Variants in NYNRIN observed in about 807,000 individuals in gnomAD.
NYNRIN encodes the protein protein NYNRIN.
In NYNRIN, 86 loss-of-function variants were observed where a neutral mutation model predicts 146.6. The observed-to-expected ratio is 0.59, with a 90% CI of 0.49 to 0.70. NYNRIN has a LOEUF of 0.70. Ranked by LOEUF, NYNRIN falls within the 30% of genes least tolerant of loss-of-function variation. The pLI, the probability that NYNRIN is intolerant of heterozygous loss-of-function variation, is 0.00. For synonymous variants in NYNRIN, 1,027 were observed against 1,001.3 expected, an observed-to-expected ratio of 1.03 and a Z score of -0.48; for missense variants, 2,191 against 2,377.7, an observed-to-expected ratio of 0.92 and a Z score of 1.63.
chr14:24,408,372 G>A lies in NYNRIN; in HGVS notation c.702G>A (p.Met234Ile), dbSNP rs753351183. The A allele has an allele frequency of 7.4e-6, 12 of 1,613,820 alleles. No homozygotes were observed. The East Asian group carries it at 2.5e-4, about 33-fold the overall frequency. Reference protein sequence around the residue: ...PPQQQKEAPAMVSVGESPGPF... With the variant: ...PPQQQKEAPAIVSVGESPGPF... ...AGCAGCAGAAGGAAGCCCCAGCCAT[G>A]GTGTCCGTGGGAGAGAGTCCTGGAC... Residue 234 changes from methionine to isoleucine, a missense_variant, in exon 3 of 9, where the codon ATG (methionine) becomes ATA (isoleucine). Coordinates refer to ENST00000382554, the MANE Select transcript of NYNRIN (RefSeq NM_025081.3).
rs756203827 is a variant in NYNRIN, at chr14:24,409,853, C to T, written c.2059C>T (p.Pro687Ser). ...APKTPAAQKVPTDAGPTLDVA... is the reference protein window; with the variant it reads ...APKTPAAQKVSTDAGPTLDVA... Reference sequence around the variant, plus strand: ...CAAAACACCTGCAGCTCAGAAGGTGCCCACGGATGCAGGGCCAACCTTGGA... The same window carrying T: ...CAAAACACCTGCAGCTCAGAAGGTGTCCACGGATGCAGGGCCAACCTTGGA... The change falls in exon 4 of 9, where the codon CCC (proline) becomes TCC (serine). Residue 687 changes from proline (P) to serine (S), a missense_variant. By Grantham distance (74) the Pro-to-Ser change is moderately conservative (BLOSUM62 -1). Coordinates refer to ENST00000382554, the MANE Select transcript of NYNRIN (RefSeq NM_025081.3). 3.1e-6 allele frequency: 5 copies of T among 1,613,194 alleles called. No homozygotes were observed. In the Admixed American group the frequency reaches 8.4e-5, roughly 27 times the overall value.
intron 2 of NYNRIN, 49 bp from the exon 3 acceptor site, chr14:24,407,820 G>A (rs1039643318): frequency 9.2e-6 from 14 of 1,521,872 alleles, no homozygotes; most frequent in Non-Finnish European, 1.2e-5. Context: ...AGATCCAGGG[G>A]CAGGCCCCCA....
Position 24,414,671 on chromosome 14 carries a change from G to C in NYNRIN, c.2922G>C (p.Leu974=). The part of the protein sequence containing the change: ...LPPSSASVTE[L]SDDADSGPLE... The stretch of plus-strand genomic sequence containing the variant: ...CCAGCTCAGCCAGTGTCACTGAGCT[G>C]AGTGATGACGCTGACTCTGGGCCCC... The change falls in exon 9 of 9, where the codon CTG becomes CTC. Residue 974 remains leucine (L), a synonymous_variant. Transcript: ENST00000382554. The C allele has an allele frequency of 1.9e-6, 3 of 1,613,784 alleles. No homozygotes were observed. Among genetic ancestry groups the C allele is most frequent in the Non-Finnish European group, 2.5e-6 (3 of 1,179,792 alleles).
At position 24,416,128 on chromosome 14, in the gene NYNRIN, A is replaced by G. The variant is rs765919110; in HGVS notation, c.4379A>G (p.Lys1460Arg). 1.2e-6 allele frequency: 2 copies of G among 1,613,950 alleles called. No homozygotes were observed. The highest frequency in any genetic ancestry group is 2.2e-5 in the East Asian group (1 of 44,866). Residue 1460 changes from lysine (K) to arginine (R), a missense_variant, in exon 9 of 9, where the codon AAG becomes AGG. Around this residue, in one of 3 missense-constraint regions of NYNRIN, gnomAD observed 1,291 missense variants for 1,417.0 expected, o/e 0.91. Coordinates refer to ENST00000382554, the MANE Select transcript of NYNRIN (RefSeq NM_025081.3). Reference protein sequence around the residue: ...QGGGQWWSLPKDVPAPTVSPH... With the variant: ...QGGGQWWSLPRDVPAPTVSPH... ...GGTGGGCAGTGGTGGAGTTTGCCAA[A>G]GGATGTGCCAGCCCCTACAGTGAGT...
At position 24,414,710 on chromosome 14, in the gene NYNRIN, G is replaced by A. The variant is rs948847483; in HGVS notation, c.2961G>A (p.Pro987=). Residue 987 remains proline (P), a synonymous_variant, in exon 9 of 9, where the codon CCG becomes CCA. Coordinates refer to ENST00000382554, the MANE Select transcript of NYNRIN (RefSeq NM_025081.3). ...DADSGPLESL[P]NMEEVREEKE... is the part of the protein sequence containing the mutation. Reference sequence around the variant, plus strand: ...ACTCTGGGCCCCTGGAGAGTCTGCCGAATATGGAAGAAGTCAGGGAAGAGA... The same window carrying A: ...ACTCTGGGCCCCTGGAGAGTCTGCCAAATATGGAAGAAGTCAGGGAAGAGA... 5 of 1,613,384 alleles carry A rather than the reference G, an allele frequency of 3.1e-6. No individual in the cohort carries two copies. In the South Asian group the frequency reaches 3.3e-5, roughly 11 times the overall value.
Position 24,416,418 on chromosome 14 carries a change from C to G in NYNRIN, c.4669C>G (p.Gln1557Glu). The G allele has an allele frequency of 6.2e-7, 1 of 1,613,018 alleles. No individual in the cohort carries two copies. Among genetic ancestry groups the G allele is most frequent in the Non-Finnish European group, 8.5e-7 (1 of 1,179,464 alleles). Residue 1557 changes from glutamine (Q) to glutamate (E), a missense_variant, in exon 9 of 9, where the codon CAG (glutamine) becomes GAG (glutamate). Physicochemically the swap from Gln to Glu is conservative, Grantham distance 29 (BLOSUM62 2). Coordinates refer to ENST00000382554, the MANE Select transcript of NYNRIN (RefSeq NM_025081.3). Reference protein sequence around the residue: ...SVHDIPLGAHQRPEETYKKLR... With the variant: ...SVHDIPLGAHERPEETYKKLR... ...GCATGACATTCCCTTGGGGGCCCACCAGAGGCCCGAAGAGACCTACAAGAA... is the reference window on the plus strand; with the variant it reads ...GCATGACATTCCCTTGGGGGCCCACGAGAGGCCCGAAGAGACCTACAAGAA...
rs753340346 is a variant in NYNRIN, at chr14:24,409,642, A to G, written c.1848A>G (p.Gln616=). ...TGAATCAACCAGTGTTGGTAGCTCA[A>G]GTGGAACCCACAACTCCAAAAACTC... ...TVVNQPVLVA[Q]VEPTTPKTPQ... is the part of the protein sequence containing the mutation. The change falls in exon 4 of 9, where the codon CAA becomes CAG. Residue 616 remains glutamine (Q), a synonymous_variant. Coordinates refer to ENST00000382554, the MANE Select transcript of NYNRIN (RefSeq NM_025081.3). The G allele has an allele frequency of 6.2e-7, 1 of 1,607,214 alleles. No individual in the cohort carries two copies. The highest frequency in any genetic ancestry group is 1.1e-5 in the South Asian group (1 of 89,696).
intron 4 of NYNRIN, among the ~76,000 whole-genome samples, chr14:24,410,664 G>A (rs1417551117): frequency 2.0e-5 from 3 of 152,202 alleles, no homozygotes; most frequent in Non-Finnish European, 2.9e-5. Context: ...TGCTGTAGAG[G>A]TGTTAGCATA....
chr14:24,411,496 C>T lies in NYNRIN; in HGVS notation c.2642+46C>T. 3 of 1,542,220 alleles carry T rather than the reference C, an allele frequency of 1.9e-6. 1 individual carries two copies. The South Asian group carries it at 3.3e-5, about 17-fold the overall frequency. Reference sequence around the variant, plus strand: ...GCCCTCCTGGGCTCAGGGAGTTGGGCCTGGCTGGTGTGTCAGGTGGAGTCC... The same window carrying T: ...GCCCTCCTGGGCTCAGGGAGTTGGGTCTGGCTGGTGTGTCAGGTGGAGTCC... On this transcript the variant is annotated intron_variant, in intron 6 of 8. Transcript: ENST00000382554. This position sits in a 1 kb window ranked among gnomAD's most constrained non-coding sequence, Gnocchi z 4.3.
At position 24,417,334 on chromosome 14, in the gene NYNRIN, G is replaced by GATA. The variant is rs1832023830; in HGVS notation, c.5585_5586insATA (p.Arg1862_Ile1863insTer). ...GACCGGCTGAGCCTGTCACTCTATAGGATATGGGGCTTCCCAACCCCAGAG... is the reference window on the plus strand; with the variant it reads ...GACCGGCTGAGCCTGTCACTCTATAGATAGATATGGGGCTTCCCAACCCCAGAG... On this transcript the variant is annotated stop_gained and inframe_insertion, in exon 9 of 9. Transcript: ENST00000382554. LOFTEE classifies it high-confidence loss of function. 6 of 1,608,468 alleles carry GATA rather than the reference G, an allele frequency of 3.7e-6. No individual in the cohort carries two copies. The highest frequency in any genetic ancestry group is 3.4e-6 in the Non-Finnish European group (4 of 1,177,026).
Position 24,415,902 on chromosome 14 carries a change from C to T in NYNRIN, c.4153C>T (p.Leu1385=), listed in dbSNP as rs1348890659. The change falls in exon 9 of 9, where the codon CTG becomes TTG. Residue 1385 remains leucine, a synonymous_variant. Transcript: ENST00000382554. ...LTHCNWIFSL[L]WELLPLWRAR... Reference sequence around the variant, plus strand: ...TCACTGCAACTGGATCTTCAGCCTCCTGTGGGAGCTCCTGCCCCTCTGGAG... The same window carrying T: ...TCACTGCAACTGGATCTTCAGCCTCTTGTGGGAGCTCCTGCCCCTCTGGAG... 2.5e-6 allele frequency: 4 copies of T among 1,614,014 alleles called. No homozygotes were observed. The East Asian group carries it at 8.9e-5, about 36-fold the overall frequency.
rs766844716 is a variant in NYNRIN at position 24,409,940 on chromosome 14, G to A, written c.2146G>A (p.Gly716Ser). The change falls in exon 4 of 9, where the codon GGC (glycine) becomes AGC (serine). Residue 716 changes from glycine to serine, a missense_variant. By Grantham distance (56) the Gly-to-Ser change is moderately conservative. Coordinates refer to ENST00000382554, the MANE Select transcript of NYNRIN (RefSeq NM_025081.3). Reference protein sequence around the residue: ...TSRASVSLLKGQGQAGRQGPQ... With the variant: ...TSRASVSLLKSQGQAGRQGPQ... ...AAGGGCTAGTGTCTCCTTACTGAAG[G>A]GCCAGGGGCAGGCTGGAAGGCAGGG... is the stretch of plus-strand genomic sequence containing the variant. 7 of 1,613,750 alleles carry A rather than the reference G, an allele frequency of 4.3e-6. 1 individual carries two copies. In the South Asian group the frequency reaches 6.6e-5, roughly 15 times the overall value.
intron 2 of NYNRIN, among the ~76,000 whole-genome samples, chr14:24,404,680 G>T (rs1026260198): frequency 6.0e-4 from 92 of 152,322 alleles, no homozygotes; most frequent in Non-Finnish European, 2.6e-4. Context: ...TGCAGGTGCT[G>T]TTGGTTAGGG....
rs367836472 is a variant in NYNRIN at position 24,416,890 on chromosome 14, C to T, written c.5141C>T (p.Thr1714Met). 2.2e-5 allele frequency: 36 copies of T among 1,606,564 alleles called. No homozygotes were observed. The highest frequency in any genetic ancestry group is 1.3e-4 in the East Asian group (6 of 44,668). Reference sequence around the variant, plus strand: ...CGGGACCTCCAGTTCCCCTGCCTGACGAGCTCAGGGGCCTACTGGGAATTC... The same window carrying T: ...CGGGACCTCCAGTTCCCCTGCCTGATGAGCTCAGGGGCCTACTGGGAATTC... Reference protein sequence around the residue: ...LSRDLQFPCLTSSGAYWEFKR... With the variant: ...LSRDLQFPCLMSSGAYWEFKR... Residue 1714 changes from threonine to methionine, a missense_variant, in exon 9 of 9, where the codon ACG becomes ATG. Thr to Met is a moderately conservative substitution (Grantham distance 81). Coordinates refer to ENST00000382554, the MANE Select transcript of NYNRIN (RefSeq NM_025081.3).
At position 24,411,254 on chromosome 14, in the gene NYNRIN, C is replaced by G. The variant is rs2042911146; in HGVS notation, c.2545+48C>G. 1.9e-6 allele frequency: 3 copies of G among 1,611,614 alleles called. No individual in the cohort carries two copies. The highest frequency in any genetic ancestry group is 1.7e-6 in the Non-Finnish European group (2 of 1,178,874). ...AGCCTCCACAGTGTCACCAAGCTTT[C>G]TTCTCTCTGCCTTGCTGCCCCGACC... is the stretch of plus-strand genomic sequence containing the variant. On this transcript the variant is annotated intron_variant, in intron 5 of 8. Transcript: ENST00000382554. The surrounding 1 kb of genome is among the most constrained non-coding windows in gnomAD (Gnocchi z 4.3).
In NYNRIN at chr14:24,416,376, G is replaced by T. The variant is rs1335539420; in HGVS notation, c.4627G>T (p.Asp1543Tyr). The T allele has an allele frequency of 6.2e-7, 1 of 1,613,194 alleles. No individual in the cohort carries two copies. The highest frequency in any genetic ancestry group is 1.7e-5 in the Admixed American group (1 of 59,904). Residue 1543 changes from aspartate (D) to tyrosine (Y), a missense_variant, in exon 9 of 9, where the codon GAT (aspartate) becomes TAT (tyrosine). Transcript: ENST00000382554. ...VWVVPTQLRR[D>Y]LIFSVHDIPL... is the part of the protein sequence containing the mutation. Reference sequence around the variant, plus strand: ...GGTAGTCCCGACGCAACTCCGGAGGGATCTGATTTTCTCTGTGCATGACAT... The same window carrying T: ...GGTAGTCCCGACGCAACTCCGGAGGTATCTGATTTTCTCTGTGCATGACAT...
rs768526460 is a variant in NYNRIN at position 24,399,380 on chromosome 14, G to T, written c.134G>T (p.Arg45Leu). The T allele has an allele frequency of 7.4e-6, 12 of 1,613,582 alleles. No individual in the cohort carries two copies. Among genetic ancestry groups the T allele is most frequent in the East Asian group, 2.2e-5 (1 of 44,876 alleles). ...FRVKLNAFQSRPDTPYFWLQL... is the reference protein window; with the variant it reads ...FRVKLNAFQSLPDTPYFWLQL... Reference sequence around the variant, plus strand: ...GTCAAGCTGAACGCCTTCCAGAGCCGCCCGGACACCCCCTACTTCTGGCTA... The same window carrying T: ...GTCAAGCTGAACGCCTTCCAGAGCCTCCCGGACACCCCCTACTTCTGGCTA... The change falls in exon 2 of 9, where the codon CGC becomes CTC. Residue 45 changes from arginine (R) to leucine (L), a missense_variant. By Grantham distance (102) the Arg-to-Leu change is moderately radical. Around this residue, in one of 3 missense-constraint regions of NYNRIN, gnomAD observed 895 missense variants for 941.2 expected, o/e 0.95. Transcript: ENST00000382554.
chr14:24,416,140 C>T lies in NYNRIN; in HGVS notation c.4391C>T (p.Ala1464Val), dbSNP rs752136494. The part of the protein sequence containing the change: ...QWWSLPKDVP[A>V]PTVSPHAMGK... Reference sequence around the variant, plus strand: ...TGGAGTTTGCCAAAGGATGTGCCAGCCCCTACAGTGAGTCCCCATGCCATG... The same window carrying T: ...TGGAGTTTGCCAAAGGATGTGCCAGTCCCTACAGTGAGTCCCCATGCCATG... Residue 1464 changes from alanine (A) to valine (V), a missense_variant, in exon 9 of 9, where the codon GCC (alanine) becomes GTC (valine). Transcript: ENST00000382554. The T allele has an allele frequency of 6.2e-7, 1 of 1,613,982 alleles. No individual in the cohort carries two copies. The highest frequency in any genetic ancestry group is 8.5e-7 in the Non-Finnish European group (1 of 1,179,874).
chr14:24,408,646 C>T lies in NYNRIN; in HGVS notation c.858-6C>T, dbSNP rs2042890887. The T allele has an allele frequency of 1.9e-6, 3 of 1,589,962 alleles. No individual in the cohort carries two copies. The highest frequency in any genetic ancestry group is 2.6e-6 in the Non-Finnish European group (3 of 1,168,852). On this transcript the variant is annotated splice_region_variant and splice_polypyrimidine_tract_variant and intron_variant, in intron 3 of 8. Coordinates refer to ENST00000382554, the MANE Select transcript of NYNRIN (RefSeq NM_025081.3). ...CACCTTTTCAATGAACTTGGGCTTC[C>T]TCCAGGGTCGGTTCCAACAACCAAG... is the stretch of plus-strand genomic sequence containing the variant.
Sources: allele counts gnomAD v4.1 joint callset (sites outside exome capture counted in the v4.1 genomes callset), GRCh38; gene constraint gnomAD v4.1.1; regional missense constraint gnomAD v4.1.1; non-coding constraint Gnocchi (gnomAD v3.1); transcripts MANE v1.5; gene names NCBI Gene and HGNC (gene_info 2026-07-23, HGNC 2026-07-21).